The following DCBLD1 variants were observed in gnomAD, a reference collection of about 807,000 sequenced individuals.
DCBLD1 encodes discoidin, CUB and LCCL domain-containing protein 1.
A neutral mutation model predicts 71.5 loss-of-function variants in DCBLD1; 57 were observed. The ratio of observed to expected loss-of-function variants is 0.80; its 90% CI spans 0.64 to 0.99. The LOEUF is 0.99. Ranked by LOEUF, DCBLD1 falls within the 50% of genes least tolerant of loss-of-function variation. The probability of loss-of-function intolerance (pLI) is 0.00; values close to 1 mark genes in which losing one functional copy is unlikely to be tolerated. For synonymous variants in DCBLD1, 380 were observed against 363.8 expected (o/e 1.04, Z -0.51); for missense variants, 891 against 923.5 (o/e 0.96, Z 0.46).
intron 5 of DCBLD1, among the ~76,000 whole-genome samples, chr6:117,531,458 C>T (rs999654582): frequency 9.2e-5 from 14 of 152,180 alleles, no homozygotes; most frequent in African/African-American, 1.7e-4. Context: ...CTGACAGAGC[C>T]GATTCCAATC....
At chr6:117,515,955 GA>G (rs1461135414) in intron 2 of DCBLD1, among the ~76,000 whole-genome samples, 1 of 152,100 alleles carries the variant, frequency 6.6e-6, no homozygotes, top group Non-Finnish European at 1.5e-5. Flanking sequence ...TTGCACTATG[GA>G]ACACAGTCTG....
chr6:117,513,056 C>T (rs1047923516), intron 2 of DCBLD1, among the ~76,000 whole-genome samples: 2 of 152,102 alleles, frequency 1.3e-5, no homozygotes, highest in Non-Finnish European at 2.9e-5. Context: ...CAGTTTTTAA[C>T]CAAACCATCA....
At chr6:117,486,090 T>C (rs1432806795) in intron 1 of DCBLD1, among the ~76,000 whole-genome samples, 2 of 152,236 alleles carry the variant, frequency 1.3e-5, no homozygotes, top group African/African-American at 4.8e-5. Context: ...TAACTTTTCA[T>C]GTTACAATTT....
At chr6:117,510,308 G>T (rs553797090) in intron 2 of DCBLD1, among the ~76,000 whole-genome samples, 2 of 151,200 alleles carry the variant, frequency 1.3e-5, no homozygotes, top group South Asian at 4.2e-4. Context: ...TTCTTTTCCT[G>T]CTTTTTCTGT....
At chr6:117,551,080 A>G (rs907727976), downstream of DCBLD1, among the ~76,000 whole-genome samples, 2 of 152,090 alleles carry the variant, frequency 1.3e-5, no homozygotes, top group African/African-American at 2.4e-5. Context: ...TCTCCCACTG[A>G]TCTTGCTCCC....
intron 6 of DCBLD1, among the ~76,000 whole-genome samples, chr6:117,534,307 G>T (rs1394209575): frequency 6.6e-6 from 1 of 152,140 alleles, no homozygotes; most frequent in Non-Finnish European, 1.5e-5. Context: ...ATACTTTTCA[G>T]AACATTAAAT....
chr6:117,547,265 CCTA>C (rs1344685578), intron 14 of DCBLD1, among the ~76,000 whole-genome samples: 2 of 152,198 alleles, frequency 1.3e-5, no homozygotes, highest in Non-Finnish European at 2.9e-5. Context: ...GCGTTCGAAT[CCTA>C]CTCCATCGCC....
At chr6:117,482,990 G>A in intron 1 of DCBLD1, 97 bp downstream of exon 1, 1 of 779,310 alleles carries the variant, frequency 1.3e-6, no homozygotes, top group Non-Finnish European at 1.6e-6. Flanking sequence ...GCTACGGGGC[G>A]GGCCGGGCCT....
intron 5 of DCBLD1, among the ~76,000 whole-genome samples, chr6:117,526,328 C>T (rs1279256306): frequency 1.3e-5 from 2 of 152,102 alleles, no homozygotes; most frequent in Admixed American, 6.5e-5. Context: ...TATAAATTGA[C>T]TCTTAAAATG....
chr6:117,502,194 A>G (rs1484605427), intron 1 of DCBLD1, among the ~76,000 whole-genome samples: 4 of 152,144 alleles, frequency 2.6e-5, no homozygotes, highest in South Asian at 2.1e-4. Flanking sequence ...AAAAAATTCT[A>G]TGTGTCTTTG....
chr6:117,530,784 T>C (rs1056326790), intron 5 of DCBLD1, among the ~76,000 whole-genome samples: 1 of 152,212 alleles, frequency 6.6e-6, no homozygotes, highest in Admixed American at 6.5e-5. Flanking sequence ...TAAGAAAGCT[T>C]TTTAATGAAA....
intron 1 of DCBLD1, among the ~76,000 whole-genome samples, chr6:117,493,943 T>C (rs1385418504): frequency 1.3e-5 from 2 of 152,202 alleles, no homozygotes; most frequent in Non-Finnish European, 2.9e-5. Flanking sequence ...AATTACTCTT[T>C]GTATGTGTGT....
intron 2 of DCBLD1, among the ~76,000 whole-genome samples, chr6:117,514,249 C>A (rs1011729780): frequency 1.7e-4 from 26 of 152,166 alleles, no homozygotes; most frequent in African/African-American, 6.0e-4. Context: ...TCTTATCCCC[C>A]ACCCTGAATT....
At chr6:117,543,377 C>T (rs564077835) in intron 12 of DCBLD1, among the ~76,000 whole-genome samples, 166 bp downstream of exon 12, 3 of 152,198 alleles carry the variant, frequency 2.0e-5, no homozygotes, top group South Asian at 4.1e-4. Flanking sequence ...TAGAAATGAT[C>T]GAGTATTACT....
At chr6:117,505,276 TTA>T (rs1375725773) in intron 2 of DCBLD1, among the ~76,000 whole-genome samples, 1 of 152,208 alleles carries the variant, frequency 6.6e-6, no homozygotes, top group African/African-American at 2.4e-5. Context: ...TATTGTTCCA[TTA>T]CCTCTGGTAA....
chr6:117,487,952 G>GA (rs1777147526), intron 1 of DCBLD1, among the ~76,000 whole-genome samples: 1 of 152,146 alleles, frequency 6.6e-6, no homozygotes, highest in Admixed American at 6.5e-5. Context: ...TAGTTTATGG[G>GA]AAAAATAAAG....
chr6:117,532,657 C>T (rs1198081717), intron 6 of DCBLD1, among the ~76,000 whole-genome samples: 2 of 152,198 alleles, frequency 1.3e-5, no homozygotes, highest in Non-Finnish European at 2.9e-5. Context: ...TTTTTACTCT[C>T]AGGTGCTTTT....
rs186971681 is a variant in DCBLD1 at position 117,515,086 on chromosome 6, C to T, written c.326-4730C>T. Among the ~76,000 whole-genome samples the T allele has an allele frequency of 6.5e-3, 958 of 147,032 alleles. 5 individuals carry two copies. Among genetic ancestry groups the T allele is most frequent in the Admixed American group, 0.012 (179 of 14,492 alleles). On this transcript the variant is annotated intron_variant, in intron 2 of 14. Transcript: ENST00000338728. ...CCAGGCTGAAATGCAGTGGTGGGAT[C>T]GTGGCTCACTGCAACCTCCACCCCC...
At chr6:117,499,885 G>A (rs959412123) in intron 1 of DCBLD1, among the ~76,000 whole-genome samples, 13 of 152,190 alleles carry the variant, frequency 8.5e-5, no homozygotes, top group Non-Finnish European at 1.3e-4. Flanking sequence ...GGGTGTGGTA[G>A]CGCATGCCTG....
Sources: allele counts gnomAD v4.1 joint callset (sites outside exome capture counted in the v4.1 genomes callset), GRCh38; gene constraint gnomAD v4.1.1; transcripts MANE v1.5; gene names NCBI Gene and HGNC (gene_info 2026-07-23, HGNC 2026-07-21).